The following VEPH1 variants were observed in gnomAD, a reference collection of about 807,000 sequenced individuals.
VEPH1 encodes ventricular zone-expressed PH domain-containing protein homolog 1.
In VEPH1, 80 loss-of-function variants were observed where a neutral mutation model predicts 85.2. The observed-to-expected ratio is 0.94, with a 90% confidence interval of 0.78 to 1.13. The LOEUF (loss-of-function observed/expected upper bound fraction) is 1.13. Ranked by LOEUF, VEPH1 falls within the 50% of genes most tolerant of loss-of-function variation. The pLI is 0.00. For missense variants in VEPH1, 955 were observed against 980.5 expected, an observed-to-expected ratio of 0.97 and a Z score of 0.35; for synonymous variants, 297 against 348.0, an observed-to-expected ratio of 0.85 and a Z score of 1.63.
At chr3:157,326,149 A>G (rs1721882924) in intron 9 of VEPH1, among the ~76,000 whole-genome samples, 1 of 152,182 alleles carries the variant, frequency 6.6e-6, no homozygotes, top group South Asian at 2.1e-4. Flanking sequence ...TTGTTGGTGT[A>G]TAGGAATGCA....
chr3:157,467,631 G>A (rs1389746865), intron 3 of VEPH1, among the ~76,000 whole-genome samples: 3 of 152,234 alleles, frequency 2.0e-5, no homozygotes, highest in Admixed American at 2.0e-4. Context: ...ACAAGATGCT[G>A]AACTTTGCTG....
chr3:157,482,376 C>A (rs1386191813), intron 2 of VEPH1, among the ~76,000 whole-genome samples: 2 of 152,108 alleles, frequency 1.3e-5, no homozygotes, highest in African/African-American at 4.8e-5. Context: ...AGGCATGCAC[C>A]ACCAGGCCCA....
intron 4 of VEPH1, among the ~76,000 whole-genome samples, chr3:157,430,774 A>G (rs1733087421): frequency 6.6e-6 from 1 of 152,220 alleles, no homozygotes; most frequent in African/African-American, 2.4e-5. Context: ...AGATGTTCCA[A>G]AATTTCTTTG....
At chr3:157,429,413 A>G (rs1305130926) in intron 4 of VEPH1, among the ~76,000 whole-genome samples, 1 of 152,236 alleles carries the variant, frequency 6.6e-6, no homozygotes, top group Non-Finnish European at 1.5e-5. Flanking sequence ...TATATAAAAG[A>G]CAATTTAGAT....
At chr3:157,339,202 G>A (rs1325851359) in intron 9 of VEPH1, among the ~76,000 whole-genome samples, 1 of 152,192 alleles carries the variant, frequency 6.6e-6, no homozygotes, top group Non-Finnish European at 1.5e-5. Flanking sequence ...TCAAATTCAG[G>A]CTCCAAGGGC....
chr3:157,464,392 T>C (rs1646010514), intron 3 of VEPH1, among the ~76,000 whole-genome samples: 1 of 152,218 alleles, frequency 6.6e-6, no homozygotes, highest in Non-Finnish European at 1.5e-5. Flanking sequence ...GCTAATGGCA[T>C]GCATGCAGAG....
intron 11 of VEPH1, among the ~76,000 whole-genome samples, chr3:157,290,035 A>AACAC (rs34035101): frequency 0.024 from 3,398 of 144,356 alleles, 44 homozygotes; most frequent in Middle Eastern, 0.037. Context: ...ATTATACACA[A>AACAC]ACACACACAC....
chr3:157,261,142 AT>A lies in VEPH1; in HGVS notation c.2493del (p.Tyr832IlefsTer6), dbSNP rs1559903456. 6.2e-7 allele frequency: 1 copy of A among 1,613,484 alleles called. No homozygotes were observed. The highest frequency in any genetic ancestry group is 1.3e-5 in the African/African-American group (1 of 74,844). ...AKERESREVT[T>X]YL ...GGCTGACTTATAAATCCCTACAGAT[AT>A]GTGGTTACTTCTCTACTTTCCCTTT... On this transcript the variant is annotated frameshift_variant, in exon 14 of 14. Transcript: ENST00000362010. LOFTEE classifies it high-confidence loss of function.
chr3:157,407,907 A>G (rs1731260234), intron 6 of VEPH1, among the ~76,000 whole-genome samples: 1 of 152,192 alleles, frequency 6.6e-6, no homozygotes, highest in Non-Finnish European at 1.5e-5. Flanking sequence ...AGATGAGGAA[A>G]CTGAGTCAAG....
At chr3:157,272,302 CT>C (rs1714700446) in intron 12 of VEPH1, among the ~76,000 whole-genome samples, 1 of 146,274 alleles carries the variant, frequency 6.8e-6, no homozygotes, top group Non-Finnish European at 1.5e-5. Context: ...CCTTCCCTTC[CT>C]CTCTCTCTCT....
intron 2 of VEPH1, among the ~76,000 whole-genome samples, chr3:157,472,312 T>C (rs1737040878): frequency 6.6e-6 from 1 of 152,228 alleles, no homozygotes; most frequent in Non-Finnish European, 1.5e-5. Flanking sequence ...TAAATCTATC[T>C]GGTATTTATG....
chr3:157,358,197 G>A (rs1323499106), intron 9 of VEPH1, among the ~76,000 whole-genome samples: 1 of 152,196 alleles, frequency 6.6e-6, no homozygotes, highest in Non-Finnish European at 1.5e-5. Flanking sequence ...ACCAGTCGCT[G>A]TTATGTCTGC....
chr3:157,359,824 C>G (rs961914418), intron 9 of VEPH1, among the ~76,000 whole-genome samples: 1 of 152,154 alleles, frequency 6.6e-6, no homozygotes, highest in East Asian at 1.9e-4. Context: ...TATGGACCAA[C>G]CTAACATCAA....
rs978266807 is a variant in VEPH1, at chr3:157,469,377, A to G, written c.354+937T>C. Among the ~76,000 whole-genome samples the G allele has an allele frequency of 3.4e-4, 51 of 152,212 alleles. 1 individual carries two copies. Among genetic ancestry groups the G allele is most frequent in the Admixed American group, 3.3e-3 (51 of 15,278 alleles). ...CATATCAGCTGCAACATGCACTGCT[A>G]AGCATTTTAACATAATCAGAATTTC... is the stretch of plus-strand genomic sequence containing the variant. On this transcript the variant is annotated intron_variant, in intron 3 of 13. Coordinates refer to ENST00000362010, the MANE Select transcript of VEPH1 (RefSeq NM_001167912.2).
At chr3:157,478,035 C>G (rs917712375) in intron 2 of VEPH1, among the ~76,000 whole-genome samples, 1 of 152,098 alleles carries the variant, frequency 6.6e-6, no homozygotes, top group Non-Finnish European at 1.5e-5. Context: ...TGCCCAAATC[C>G]CCTCTCCAGG....
At position 157,469,284 on chromosome 3, in the gene VEPH1, A is replaced by G. The variant is rs116065968; in HGVS notation, c.354+1030T>C. Among the ~76,000 whole-genome samples the G allele has an allele frequency of 3.7e-3, 568 of 152,362 alleles. 5 individuals are homozygous for G. Among genetic ancestry groups the G allele is most frequent in the African/African-American group, 0.013 (529 of 41,592 alleles). ...TGATCAATTCCTAGACTGAGCAGAC[A>G]AGGTAAAATATGATCCAGTTAATCA... is the stretch of plus-strand genomic sequence containing the variant. On this transcript the variant is annotated intron_variant, in intron 3 of 13. Coordinates refer to ENST00000362010, the MANE Select transcript of VEPH1 (RefSeq NM_001167912.2).
At chr3:157,365,763 C>A (rs1303220129) in intron 7 of VEPH1, among the ~76,000 whole-genome samples, 2 of 152,114 alleles carry the variant, frequency 1.3e-5, no homozygotes, top group Non-Finnish European at 2.9e-5. Flanking sequence ...ATGCATAGGG[C>A]AAGGTATGGG....
chr3:157,272,415 C>CT (rs1423097068), intron 12 of VEPH1, among the ~76,000 whole-genome samples: 3 of 132,972 alleles, frequency 2.3e-5, no homozygotes, highest in Non-Finnish European at 3.3e-5. Context: ...TTCTTTCTTT[C>CT]TTTCTTTCTT....
intron 5 of VEPH1, among the ~76,000 whole-genome samples, chr3:157,416,465 A>G (rs73158503): frequency 3.3e-3 from 504 of 152,312 alleles, no homozygotes; most frequent in Non-Finnish European, 6.0e-3. Context: ...AGGAGAAGCC[A>G]TGCGAGGTCC....
Sources: gnomAD v4.1 joint callset for allele counts (sites outside exome capture counted in the v4.1 genomes callset) on GRCh38, gnomAD v4.1.1 for gene constraint, MANE v1.5 for transcripts, NCBI Gene and HGNC (gene_info 2026-07-23, HGNC 2026-07-21) for gene names.